The following C19orf47 variants were observed in gnomAD, a reference collection of about 807,000 sequenced individuals.
The protein encoded by C19orf47 is uncharacterized protein C19orf47.
A neutral mutation model predicts 32.3 loss-of-function variants in C19orf47; 18 were observed. The observed-to-expected ratio is 0.56, with a 90% CI of 0.39 to 0.83. The LOEUF (loss-of-function observed/expected upper bound fraction) is 0.83. C19orf47 is among the 40% of genes least tolerant of loss of function. The pLI, the probability that C19orf47 is intolerant of heterozygous loss-of-function variation, is 0.00. For synonymous variants in C19orf47, 202 were observed against 211.1 expected (o/e 0.96, Z 0.37); for missense variants, 484 against 531.6 (o/e 0.91, Z 0.88).
the C19orf47 span, among the ~76,000 whole-genome samples, chr19:40,301,414 C>T: frequency 3.3e-5 from 5 of 149,886 alleles, no homozygotes; most frequent in East Asian, 8.3e-4. Flanking sequence ...GATCTTGGCT[C>T]ACTGCAACCT....
chr19:40,347,922 G>A (rs373974233), intron 1 of C19orf47, among the ~76,000 whole-genome samples: 4 of 152,124 alleles, frequency 2.6e-5, no homozygotes, highest in Admixed American at 6.6e-5. Flanking sequence ...TTGTACAGAT[G>A]AGAAAAAACG....
At chr19:40,305,448 A>C in the C19orf47 span, among the ~76,000 whole-genome samples, 11 of 152,166 alleles carry the variant, frequency 7.2e-5, no homozygotes, top group Admixed American at 1.3e-4. Flanking sequence ...ATCTTTTTCA[A>C]GAAGAGAAAA....
chr19:40,317,728 G>GA (rs1555783711), downstream of C19orf47, among the ~76,000 whole-genome samples: 6 of 143,052 alleles, frequency 4.2e-5, no homozygotes, highest in Admixed American at 7.0e-5. Flanking sequence ...TTTTTTTTTT[G>GA]TTTTTTTTTT....
chr19:40,293,920 G>C, the C19orf47 span, among the ~76,000 whole-genome samples: 2 of 152,084 alleles, frequency 1.3e-5, no homozygotes, highest in South Asian at 4.1e-4. Context: ...GGAGTTAGTA[G>C]ACCAGCCTGA....
At chr19:40,341,816 T>G (rs970677875) in intron 2 of C19orf47, 23 bp downstream of exon 2, 2 of 1,535,990 alleles carry the variant, frequency 1.3e-6, no homozygotes, top group Admixed American at 3.9e-5. Flanking sequence ...GAGGGGGCCC[T>G]GGAGAGAAGG....
chr19:40,301,280 T>A, the C19orf47 span, among the ~76,000 whole-genome samples: 1 of 152,072 alleles, frequency 6.6e-6, no homozygotes, highest in Admixed American at 6.6e-5. Flanking sequence ...CATAGTTTGA[T>A]GGCAAGTCCC....
chr19:40,296,182 T>C, the C19orf47 span, among the ~76,000 whole-genome samples: 1 of 152,266 alleles, frequency 6.6e-6, no homozygotes, highest in Non-Finnish European at 1.5e-5. Flanking sequence ...TATAGCCTAC[T>C]ATATACCTAG....
chr19:40,311,013 G>A, the C19orf47 span, among the ~76,000 whole-genome samples: 2 of 152,208 alleles, frequency 1.3e-5, no homozygotes, highest in East Asian at 1.9e-4. Context: ...CGAGGTGAGC[G>A]GATTGCTTGA....
At chr19:40,342,240 C>T in intron 1 of C19orf47, 1 of 274,284 alleles carries the variant, frequency 3.6e-6, no homozygotes, top group Non-Finnish European at 6.7e-6. Context: ...AATCCCAGGA[C>T]TTTGGGAGGC....
downstream of C19orf47, among the ~76,000 whole-genome samples, chr19:40,314,618 G>A (rs1378891847): frequency 6.6e-6 from 1 of 152,180 alleles, no homozygotes; most frequent in South Asian, 2.1e-4. Context: ...TACTAAATGA[G>A]GAGAAGAGAC....
the C19orf47 span, among the ~76,000 whole-genome samples, chr19:40,310,850 A>C: frequency 7.9e-5 from 12 of 152,216 alleles, no homozygotes; most frequent in Non-Finnish European, 1.3e-4. Flanking sequence ...TGACGGATCC[A>C]GAGTAGAAGC....
intron 5 of C19orf47, among the ~76,000 whole-genome samples, chr19:40,330,644 G>C (rs2077934143): frequency 2.1e-5 from 3 of 144,894 alleles, no homozygotes; most frequent in Admixed American, 7.3e-5. Flanking sequence ...CAAAGTCCTG[G>C]GCTCAAGCAA....
intron 1 of C19orf47, among the ~76,000 whole-genome samples, chr19:40,345,576 T>C (rs1380008306): frequency 7.0e-6 from 1 of 143,846 alleles, no homozygotes; most frequent in Non-Finnish European, 1.5e-5. Flanking sequence ...GCGTGGTGGC[T>C]CACGCCTGTA....
chr19:40,333,485 G>A (rs2077997459), intron 5 of C19orf47, among the ~76,000 whole-genome samples: 1 of 152,040 alleles, frequency 6.6e-6, no homozygotes, highest in Admixed American at 6.6e-5. Context: ...TAACTACAGT[G>A]CCTTTAAAAG....
At chr19:40,306,105 C>T in the C19orf47 span, among the ~76,000 whole-genome samples, 4 of 144,920 alleles carry the variant, frequency 2.8e-5, no homozygotes, top group African/African-American at 5.2e-5. Flanking sequence ...GAGCCAAGAT[C>T]GCACCATTGC....
chr19:40,328,852 C>T (rs1481152109), intron 5 of C19orf47, among the ~76,000 whole-genome samples: 1 of 152,120 alleles, frequency 6.6e-6, no homozygotes, highest in Non-Finnish European at 1.5e-5. Context: ...TCGCTTCGCC[C>T]CTCCCGGAGC....
At chr19:40,328,571 T>A in intron 5 of C19orf47, 21 bp from the exon 6 acceptor site, 1 of 1,588,684 alleles carries the variant, frequency 6.3e-7, no homozygotes, top group South Asian at 1.1e-5. Context: ...AAAAGGAGAG[T>A]CCGGTCGGGT....
intron 2 of C19orf47, among the ~76,000 whole-genome samples, chr19:40,337,896 A>C (rs1355934756): frequency 6.6e-6 from 1 of 152,108 alleles, no homozygotes; most frequent in African/African-American, 2.4e-5. Context: ...TTGTGCAGGC[A>C]CCATCCACCT....
chr19:40,342,027 G>C, intron 1 of C19orf47, 137 bp from the exon 2 acceptor site: 2 of 1,475,746 alleles, frequency 1.4e-6, no homozygotes, highest in Non-Finnish European at 9.0e-7. Context: ...GCCTGGAGCA[G>C]CTGGCAGGAA....
Sources: gnomAD v4.1 joint callset for allele counts (sites outside exome capture counted in the v4.1 genomes callset) on GRCh38, gnomAD v4.1.1 for gene constraint, MANE v1.5 for transcripts, NCBI Gene and HGNC (gene_info 2026-07-23, HGNC 2026-07-21) for gene names.